SNX30: variants seen among roughly 807,000 people sequenced by gnomAD.
SNX30 encodes sorting nexin family member 30, also known as sorting nexin-30.
In SNX30, 24 loss-of-function variants were observed where a neutral mutation model predicts 46.4. The ratio of observed to expected loss-of-function variants is 0.52; its 90% CI spans 0.37 to 0.73. SNX30 has a LOEUF of 0.73. Ranked by LOEUF, SNX30 falls within the 30% of genes least tolerant of loss-of-function variation. The pLI is 0.00. For missense variants in SNX30, 533 were observed against 555.7 expected (o/e 0.96, Z 0.41); for synonymous variants, 189 against 211.5 (o/e 0.89, Z 0.92).
intron 1 of SNX30, among the ~76,000 whole-genome samples, chr9:112,789,666 A>T (rs1268825171): frequency 6.6e-6 from 1 of 152,204 alleles, no homozygotes; most frequent in Non-Finnish European, 1.5e-5. Flanking sequence ...TAAGAATCAT[A>T]AGAATGTCTG....
chr9:112,825,236 A>G (rs1361391203), intron 3 of SNX30, among the ~76,000 whole-genome samples: 6 of 152,148 alleles, frequency 3.9e-5, no homozygotes, highest in Admixed American at 2.0e-4. Flanking sequence ...TTCTCCACGT[A>G]TTTGCCAACA....
intron 2 of SNX30, among the ~76,000 whole-genome samples, chr9:112,812,901 CTTTGGGAAGCT>C: frequency 6.6e-6 from 1 of 152,206 alleles, no homozygotes; most frequent in Non-Finnish European, 1.5e-5. Flanking sequence ...AATCCCAGCA[CTTTGGGAAGCT>C]GAGGTGGGTG....
Position 112,868,832 on chromosome 9 carries a change from G to T in SNX30, c.1303G>T (p.Glu435Ter), listed in dbSNP as rs1459786069. The T allele has an allele frequency of 1.2e-6, 2 of 1,614,012 alleles. No homozygotes were observed. Among genetic ancestry groups the T allele is most frequent in the African/African-American group, 2.7e-5 (2 of 74,926 alleles). The part of the protein sequence containing the change: ...SIIPLLQEKQ[E>*]AK ...TATTCCACTACTGCAGGAGAAACAA[G>T]AGGCCAAGTAAAGTTCTTTCTTGGG... is the stretch of plus-strand genomic sequence containing the variant. The change falls in exon 9 of 9, where the codon GAG becomes TAG. Residue 435 changes from glutamate (E) to a stop codon, truncating the protein, a stop_gained. Transcript: ENST00000374232. LOFTEE classifies it high-confidence loss of function.
intron 7 of SNX30, among the ~76,000 whole-genome samples, chr9:112,861,830 C>T (rs1276208668): frequency 1.3e-5 from 2 of 152,160 alleles, no homozygotes; most frequent in African/African-American, 4.8e-5. Context: ...TTTAAAGAGC[C>T]GCCTCAGTGC....
At chr9:112,785,668 G>A (rs534056912) in intron 1 of SNX30, among the ~76,000 whole-genome samples, 41 of 152,064 alleles carry the variant, frequency 2.7e-4, no homozygotes, top group African/African-American at 8.0e-4. Context: ...ACAGGCATGT[G>A]CCACCACGCC....
intron 3 of SNX30, among the ~76,000 whole-genome samples, chr9:112,823,361 C>T (rs1170796255): frequency 6.6e-6 from 1 of 152,184 alleles, no homozygotes; most frequent in Non-Finnish European, 1.5e-5. Context: ...TGTTTTATAA[C>T]ACTAGCTTTA....
At chr9:112,797,873 ATTTTT>A (rs55871515) in intron 1 of SNX30, among the ~76,000 whole-genome samples, 1 of 121,972 alleles carries the variant, frequency 8.2e-6, no homozygotes, top group Non-Finnish European at 1.7e-5. Flanking sequence ...TAATATTGGT[ATTTTT>A]TTTTTTTTTT....
intron 8 of SNX30, 25 bp downstream of exon 8, chr9:112,864,424 G>C: frequency 6.2e-7 from 1 of 1,613,566 alleles, no homozygotes; most frequent in Non-Finnish European, 8.5e-7. Flanking sequence ...CAACAAGACT[G>C]GTTTCTAATG....
chr9:112,751,227 C>G, intron 1 of SNX30, 70 bp downstream of exon 1: 2 of 1,311,538 alleles, frequency 1.5e-6, no homozygotes, highest in Non-Finnish European at 9.8e-7. Context: ...GGATCCGGAG[C>G]CTTCGTGGGC....
intron 2 of SNX30, among the ~76,000 whole-genome samples, chr9:112,812,190 A>G (rs114371694): frequency 6.6e-6 from 1 of 152,252 alleles, no homozygotes; most frequent in African/African-American, 2.4e-5. Flanking sequence ...TATCTTTTCT[A>G]GAACAAATTG....
intron 1 of SNX30, among the ~76,000 whole-genome samples, chr9:112,755,739 A>G (rs1431781569): frequency 6.6e-6 from 1 of 151,766 alleles, no homozygotes; most frequent in Non-Finnish European, 1.5e-5. Context: ...GGATGGCTGG[A>G]GCAAGGTATT....
intron 1 of SNX30, among the ~76,000 whole-genome samples, chr9:112,763,346 C>T (rs969895222): frequency 7.3e-6 from 1 of 137,318 alleles, no homozygotes; most frequent in Non-Finnish European, 1.5e-5. Context: ...GTATGGTGTG[C>T]CTTGCTATTT....
downstream of SNX30, among the ~76,000 whole-genome samples, chr9:112,884,237 A>G (rs112237016): frequency 0.012 from 1,902 of 152,322 alleles, 34 homozygotes; most frequent in African/African-American, 0.043. Flanking sequence ...CTCTCCTGGC[A>G]TCGAGGAAGG....
At chr9:112,841,837 A>G (rs932937942) in intron 6 of SNX30, among the ~76,000 whole-genome samples, 1 of 152,160 alleles carries the variant, frequency 6.6e-6, no homozygotes, top group African/African-American at 2.4e-5. Context: ...ATATAGTTCC[A>G]TTTCCAAAAT....
In SNX30 at chr9:112,751,068, C is replaced by T; in HGVS notation, c.67C>T (p.Pro23Ser). Residue 23 changes from proline (P) to serine (S), a missense_variant, in exon 1 of 9, where the codon CCG becomes TCG. Around this residue, in one of 3 missense-constraint regions of SNX30, gnomAD observed 191 missense variants for 160.3 expected, o/e 1.19. Transcript: ENST00000374232. ...CCACTCCCTGCGCGACATGCCGCACCCGCTGGCCGGCTCCAGCAGCGAGGA... is the reference window on the plus strand; with the variant it reads ...CCACTCCCTGCGCGACATGCCGCACTCGCTGGCCGGCTCCAGCAGCGAGGA... ...GPHSLRDMPHPLAGSSSEEAV... is the reference protein window; with the variant it reads ...GPHSLRDMPHSLAGSSSEEAV... 2 of 1,500,000 alleles carry T rather than the reference C, an allele frequency of 1.3e-6. No individual in the cohort carries two copies. Among genetic ancestry groups the T allele is most frequent in the Non-Finnish European group, 1.8e-6 (2 of 1,130,736 alleles). The allele number at this position is 1,500,000 out of a possible 1,614,324, so 92.9% of individuals were successfully genotyped here.
chr9:112,820,270 G>A (rs1368856134), intron 3 of SNX30, among the ~76,000 whole-genome samples: 1 of 17,640 alleles, frequency 5.7e-5, no homozygotes, highest in Non-Finnish European at 8.9e-5. Flanking sequence ...CATATCTGGA[G>A]TGGAGATTTA....
chr9:112,839,924 A>G (rs1229229356), intron 6 of SNX30, among the ~76,000 whole-genome samples: 1 of 152,212 alleles, frequency 6.6e-6, no homozygotes, highest in African/African-American at 2.4e-5. Flanking sequence ...AAAATAATGA[A>G]TCAACTAGTT....
intron 1 of SNX30, among the ~76,000 whole-genome samples, chr9:112,797,287 G>A (rs1780078817): frequency 6.6e-6 from 1 of 152,000 alleles, no homozygotes; most frequent in South Asian, 2.1e-4. Flanking sequence ...TCCTTTCCTG[G>A]CATTTGTCCC....
At chr9:112,764,429 G>A (rs1839498633) in intron 1 of SNX30, among the ~76,000 whole-genome samples, 1 of 152,140 alleles carries the variant, frequency 6.6e-6, no homozygotes, top group South Asian at 2.1e-4. Flanking sequence ...TGGCCAGGGT[G>A]GAGGAGGGCA....
Sources: gnomAD v4.1 joint callset for allele counts (sites outside exome capture counted in the v4.1 genomes callset) on GRCh38, gnomAD v4.1.1 for gene constraint, gnomAD v4.1.1 regional missense constraint, MANE v1.5 for transcripts, NCBI Gene and HGNC (gene_info 2026-07-23, HGNC 2026-07-21) for gene names.